The following TPD52 variants were observed in gnomAD, a reference collection of about 807,000 sequenced individuals.
TPD52 encodes tumor protein D52, also known as prostate and colon associated protein.
A neutral mutation model predicts 31.3 loss-of-function variants in TPD52; 17 were observed. That is an observed-to-expected ratio of 0.54 (90% CI 0.37 to 0.82). The LOEUF (loss-of-function observed/expected upper bound fraction) is 0.82, where lower values mean the gene tolerates loss of function less well. Among genes scored for constraint, TPD52 ranks in the 40% least tolerant of loss-of-function variants. The probability of loss-of-function intolerance (pLI) is 0.00; values close to 1 mark genes in which losing one functional copy is unlikely to be tolerated. For missense variants in TPD52, 212 were observed against 240.1 expected (o/e 0.88, Z 0.77); for synonymous variants, 83 against 89.6 (o/e 0.93, Z 0.42).
chr8:80,032,138 G>A (rs1014284017), downstream of TPD52, among the ~76,000 whole-genome samples: 1 of 136,804 alleles, frequency 7.3e-6, no homozygotes, highest in African/African-American at 3.0e-5. Context: ...GGGTGACAGA[G>A]CGAGACTCCA....
At chr8:80,102,790 C>A (rs1382089511) in intron 1 of TPD52, among the ~76,000 whole-genome samples, 1 of 151,998 alleles carries the variant, frequency 6.6e-6, no homozygotes, top group Non-Finnish European at 1.5e-5. Context: ...ATTAGAGGGC[C>A]GGAAATTTCA....
At chr8:80,076,676 TTTTG>T (rs36008886) in intron 1 of TPD52, among the ~76,000 whole-genome samples, 6 of 150,882 alleles carry the variant, frequency 4.0e-5, no homozygotes, top group Admixed American at 2.6e-4. Flanking sequence ...TAAAAGGGTT[TTTTG>T]TTTGTTTGTT....
At chr8:80,092,975 T>C (rs1563620432) in intron 1 of TPD52, among the ~76,000 whole-genome samples, 1 of 152,142 alleles carries the variant, frequency 6.6e-6, no homozygotes, top group East Asian at 1.9e-4. Flanking sequence ...TGGTAAATTA[T>C]ATACATATAT....
At chr8:80,133,412 C>A (rs576527594) in intron 1 of TPD52, among the ~76,000 whole-genome samples, 17 of 152,280 alleles carry the variant, frequency 1.1e-4, no homozygotes, top group Admixed American at 7.2e-4. Context: ...TGGATGCCAA[C>A]CCCCCTCAAA....
At chr8:80,087,651 G>A (rs1368553325) in intron 1 of TPD52, among the ~76,000 whole-genome samples, 7 of 152,128 alleles carry the variant, frequency 4.6e-5, no homozygotes, top group African/African-American at 1.7e-4. Context: ...ACCGGCTCCA[G>A]GCCCCTTCTG....
intron 1 of TPD52, among the ~76,000 whole-genome samples, chr8:80,139,630 C>CG (rs1341269427): frequency 1.4e-4 from 16 of 116,314 alleles, no homozygotes; most frequent in African/African-American, 4.3e-4. Context: ...TAGCAATAAA[C>CG]GGGGGGTGGG....
Position 80,044,194 on chromosome 8 carries a change from T to C in TPD52, c.428A>G (p.Gln143Arg). The stretch of plus-strand genomic sequence containing the variant: ...CATAGCAGGCATGCTAATTGAATGC[T>C]GAATGGAACGTATACTAAGAGGCAG... ...FSHSFSIRSI[Q>R]HSISMPAMRN... is the part of the protein sequence containing the mutation. Residue 143 changes from glutamine to arginine, a missense_variant, in exon 6 of 8, where the codon CAG (glutamine) becomes CGG (arginine). Physicochemically the swap from Gln to Arg is conservative, Grantham distance 43. Transcript: ENST00000518937. 1.3e-6 allele frequency: 2 copies of C among 1,586,820 alleles called. No individual in the cohort carries two copies. The highest frequency in any genetic ancestry group is 1.7e-6 in the Non-Finnish European group (2 of 1,171,056).
chr8:80,092,776 T>A (rs941519337), intron 1 of TPD52, among the ~76,000 whole-genome samples: 3 of 146,052 alleles, frequency 2.1e-5, no homozygotes, highest in Non-Finnish European at 3.0e-5. Flanking sequence ...TACCACAATT[T>A]AAAAAAAAAA....
At chr8:80,096,486 G>A (rs1816753079) in intron 1 of TPD52, among the ~76,000 whole-genome samples, 1 of 152,060 alleles carries the variant, frequency 6.6e-6, no homozygotes, top group African/African-American at 2.4e-5. Context: ...TTCACAGTAT[G>A]TTTTTTACAA....
chr8:80,038,936 A>G (rs1483565244), intron 7 of TPD52, among the ~76,000 whole-genome samples: 1 of 152,216 alleles, frequency 6.6e-6, no homozygotes, highest in African/African-American at 2.4e-5. Flanking sequence ...TTGCATTTGT[A>G]TAATACTTTT....
At position 80,036,544 on chromosome 8, in the gene TPD52, G is replaced by A. The variant is rs1235741280; in HGVS notation, c.*1572C>T. 6.6e-6 allele frequency: 1 copy of A among 152,328 alleles called. No individual in the cohort carries two copies. The highest frequency in any genetic ancestry group is 1.5e-5 in the Non-Finnish European group (1 of 67,962). The allele number at this position is 152,328 out of a possible 1,614,324, so 9.4% of individuals were successfully genotyped here. On this transcript the variant is annotated 3_prime_UTR_variant, in exon 8 of 8. Coordinates refer to ENST00000518937, the MANE Select transcript of TPD52 (RefSeq NM_001025253.3). ...GACTCCAGTTGATTCGGTACAACAA[G>A]CTGTTTCCAGACCACTGGTCTCATA...
intron 1 of TPD52, among the ~76,000 whole-genome samples, chr8:80,099,172 C>T (rs951116405): frequency 1.6e-4 from 25 of 152,004 alleles, no homozygotes; most frequent in African/African-American, 4.4e-4. Context: ...CGCTTTATTG[C>T]TATATTTGCT....
At chr8:80,090,317 T>A (rs781045635) in intron 1 of TPD52, among the ~76,000 whole-genome samples, 6 of 152,334 alleles carry the variant, frequency 3.9e-5, no homozygotes, top group Non-Finnish European at 2.9e-5. Context: ...AAGGGATCAC[T>A]TCAGCCCAGG....
chr8:80,106,902 A>G lies in TPD52; in HGVS notation c.20-42309T>C, dbSNP rs146105802. Among the ~76,000 whole-genome samples the G allele has an allele frequency of 2.3e-3, 352 of 150,090 alleles. 3 individuals are homozygous for G. Among genetic ancestry groups the G allele is most frequent in the African/African-American group, 8.1e-3 (331 of 40,760 alleles). ...AGTTTCGCTCTGTTGCCCAGGCTGG[A>G]GGGCAGTGGCGTGATCTCAGCTCAC... is the stretch of plus-strand genomic sequence containing the variant. On this transcript the variant is annotated intron_variant, in intron 1 of 7. Coordinates refer to ENST00000518937, the MANE Select transcript of TPD52 (RefSeq NM_001025253.3).
intron 1 of TPD52, among the ~76,000 whole-genome samples, chr8:80,145,756 T>C (rs1334968664): frequency 6.6e-6 from 1 of 152,088 alleles, no homozygotes; most frequent in Non-Finnish European, 1.5e-5. Context: ...CTCTAGACAA[T>C]AGCAGCATTT....
chr8:80,164,148 A>G (rs1162688962), intron 1 of TPD52, among the ~76,000 whole-genome samples: 1 of 152,116 alleles, frequency 6.6e-6, no homozygotes, highest in Non-Finnish European at 1.5e-5. Context: ...AGATAAGTTG[A>G]TTCTAATGTT....
intron 1 of TPD52, among the ~76,000 whole-genome samples, chr8:80,135,171 G>A (rs969394459): frequency 9.2e-5 from 14 of 152,166 alleles, no homozygotes; most frequent in African/African-American, 1.9e-4. Flanking sequence ...AATTGTAAAC[G>A]TCTCCCTAGT....
At chr8:80,102,485 G>A (rs1265601729) in intron 1 of TPD52, among the ~76,000 whole-genome samples, 4 of 152,184 alleles carry the variant, frequency 2.6e-5, no homozygotes, top group Admixed American at 2.0e-4. Flanking sequence ...CTGGTAACAT[G>A]TGGGAGGCAA....
At chr8:80,138,420 TCTC>T (rs1464272364) in intron 1 of TPD52, among the ~76,000 whole-genome samples, 2 of 152,154 alleles carry the variant, frequency 1.3e-5, no homozygotes, top group Admixed American at 1.3e-4. Context: ...CATTTAGTCG[TCTC>T]CTTCGGCAGG....
Sources: gnomAD v4.1 joint callset for allele counts (sites outside exome capture counted in the v4.1 genomes callset) on GRCh38, gnomAD v4.1.1 for gene constraint, MANE v1.5 for transcripts, NCBI Gene and HGNC (gene_info 2026-07-23, HGNC 2026-07-21) for gene names.